PADI3: variants seen among roughly 807,000 people sequenced by gnomAD.
PADI3 encodes the protein peptidyl arginine deiminase 3.
A neutral mutation model predicts 71.5 loss-of-function variants in PADI3; 53 were observed. That is an observed-to-expected ratio of 0.74 (90% confidence interval 0.59 to 0.93). The LOEUF (loss-of-function observed/expected upper bound fraction) is 0.93, where lower values mean the gene tolerates loss of function less well. PADI3 is among the 40% of genes least tolerant of loss of function. The pLI is 0.00. For missense variants in PADI3, 821 were observed against 868.0 expected, an observed-to-expected ratio of 0.95 and a Z score of 0.68; for synonymous variants, 361 against 347.5, an observed-to-expected ratio of 1.04 and a Z score of -0.43.
At chr1:17,265,551 C>T in intron 3 of PADI3, 108 bp from the exon 4 acceptor site, 4 of 956,990 alleles carry the variant, frequency 4.2e-6, no homozygotes, top group Non-Finnish European at 6.7e-6. Context: ...GATGGTGTCT[C>T]CTTAGAAATG....
chr1:17,267,819 C>G lies in PADI3; in HGVS notation c.527-18C>G. On this transcript the variant is annotated intron_variant, in intron 5 of 15. Transcript: ENST00000375460. ...CCAGGACTCCCTTGAGTCACTACCACTCTGTCTGGCTTCACAGACCTGGAA... is the reference window on the plus strand; with the variant it reads ...CCAGGACTCCCTTGAGTCACTACCAGTCTGTCTGGCTTCACAGACCTGGAA... 2 of 1,612,604 alleles carry G rather than the reference C, an allele frequency of 1.2e-6. No individual in the cohort carries two copies. The highest frequency in any genetic ancestry group is 1.7e-6 in the Non-Finnish European group (2 of 1,179,962).
In PADI3 at chr1:17,276,654, CG is replaced by C. The variant is rs1569916611; in HGVS notation, c.1444del (p.Asp482MetfsTer74). 6.2e-7 allele frequency: 1 copy of C among 1,614,028 alleles called. No homozygotes were observed. Among genetic ancestry groups the C allele is most frequent in the African/African-American group, 1.3e-5 (1 of 75,036 alleles). ...DEFLSFVPAPDGKGFRMLLAS... is the reference protein window; with the variant it reads ...DEFLSFVPAPXGKGFRMLLAS... ...AGTTTCTGAGCTTTGTCCCTGCCCCCGATGGGAAGGTAAGAACTTCGTGCAT... is the reference window on the plus strand; with the variant it reads ...AGTTTCTGAGCTTTGTCCCTGCCCCCATGGGAAGGTAAGAACTTCGTGCAT... On this transcript the variant is annotated frameshift_variant, in exon 12 of 16. Coordinates refer to ENST00000375460, the MANE Select transcript of PADI3 (RefSeq NM_016233.2). LOFTEE classifies it high-confidence loss of function.
intron 1 of PADI3, among the ~76,000 whole-genome samples, chr1:17,250,038 G>A (rs1480053277): frequency 1.3e-5 from 2 of 152,228 alleles, no homozygotes; most frequent in Non-Finnish European, 2.9e-5. Context: ...AGGGAGGTAA[G>A]GCCTTATCTT....
intron 10 of PADI3, 128 bp downstream of exon 10, chr1:17,273,575 A>G: frequency 1.8e-6 from 1 of 545,752 alleles, no homozygotes; most frequent in Non-Finnish European, 3.2e-6. Flanking sequence ...TAGGGTTGCC[A>G]GATAAAATGC....
chr1:17,271,002 G>A lies in PADI3; in HGVS notation c.935+20G>A. On this transcript the variant is annotated intron_variant, in intron 8 of 15. Transcript: ENST00000375460. ...GTGCCGGTGAGTCTTGGGGCAGTGGGTGGTCCCTCTGGCCCCCAGGCCCCG... is the reference window on the plus strand; with the variant it reads ...GTGCCGGTGAGTCTTGGGGCAGTGGATGGTCCCTCTGGCCCCCAGGCCCCG... The A allele has an allele frequency of 6.2e-7, 1 of 1,613,410 alleles. No individual in the cohort carries two copies. The highest frequency in any genetic ancestry group is 8.5e-7 in the Non-Finnish European group (1 of 1,179,402).
At chr1:17,253,637 G>C (rs2072993020) in intron 1 of PADI3, among the ~76,000 whole-genome samples, 1 of 152,152 alleles carries the variant, frequency 6.6e-6, no homozygotes, top group Middle Eastern at 3.2e-3. Context: ...TGGGAAACCT[G>C]ATTCAACTCA....
intron 5 of PADI3, among the ~76,000 whole-genome samples, chr1:17,267,120 G>A (rs1299954147): frequency 6.6e-6 from 1 of 152,172 alleles, no homozygotes; most frequent in Non-Finnish European, 1.5e-5. Context: ...CATTATTTGA[G>A]CACCTACTGT....
In PADI3 at chr1:17,273,487, A is replaced by T. The variant is rs1187659818; in HGVS notation, c.1155+40A>T. ...CCGCAGCCCACCCCTGAGAGCTGAG[A>T]GGCCTTACCCCAGGGGCCACACCGG... On this transcript the variant is annotated intron_variant, in intron 10 of 15. Coordinates refer to ENST00000375460, the MANE Select transcript of PADI3 (RefSeq NM_016233.2). 3 of 1,403,520 alleles carry T rather than the reference A, an allele frequency of 2.1e-6. No homozygotes were observed. In the East Asian group the frequency reaches 6.9e-5, roughly 32 times the overall value. The allele number at this position is 1,403,520 out of a possible 1,614,324, so 86.9% of individuals were successfully genotyped here. A position where few individuals can be genotyped will look rare whatever the true frequency, so the allele number is the denominator to read the frequency against.
At chr1:17,265,953 G>T (rs551924916) in intron 4 of PADI3, among the ~76,000 whole-genome samples, 1 of 152,224 alleles carries the variant, frequency 6.6e-6, no homozygotes, top group Admixed American at 6.5e-5. Context: ...GCCTTGGTTT[G>T]TGGGATCAAG....
In PADI3 at chr1:17,270,940, T is replaced by A; in HGVS notation, c.893T>A (p.Met298Lys). ...TVVFRVAPWI[M>K]TPSTLPPLEV... ...GTGTTCCGAGTGGCACCCTGGATCA[T>A]GACGCCCAGCACTCTGCCACCCCTA... Residue 298 changes from methionine to lysine, a missense_variant, in exon 8 of 16, where the codon ATG (methionine) becomes AAG (lysine). Transcript: ENST00000375460. The A allele has an allele frequency of 6.2e-7, 1 of 1,614,170 alleles. No individual in the cohort carries two copies. Among genetic ancestry groups the A allele is most frequent in the Non-Finnish European group, 8.5e-7 (1 of 1,180,014 alleles).
rs1254854555 is a variant in PADI3 at position 17,259,668 on chromosome 1, G to A, written c.183G>A (p.Glu61=). ...YISPNMERGR[E]RADTRRWRFD... ...CTCCCAACATGGAGAGGGGCCGGGA[G>A]CGTGCAGACACCAGGCGGTGGCGCT... The change falls in exon 2 of 16, where the codon GAG becomes GAA. Residue 61 remains glutamate (E), a synonymous_variant. Transcript: ENST00000375460. 1.2e-6 allele frequency: 2 copies of A among 1,613,862 alleles called. No homozygotes were observed. The highest frequency in any genetic ancestry group is 1.3e-5 in the African/African-American group (1 of 74,936).
chr1:17,267,882 C>T lies in PADI3; in HGVS notation c.572C>T (p.Ala191Val), dbSNP rs1204318652. 1.2e-6 allele frequency: 2 copies of T among 1,613,906 alleles called. No homozygotes were observed. Among genetic ancestry groups the T allele is most frequent in the Admixed American group, 3.3e-5 (2 of 60,012 alleles). ...ATGGTCCTGCGGACGCAGGGCCCTGCAGCCCTCTTTGATGACCACAAACTT... is the reference window on the plus strand; with the variant it reads ...ATGGTCCTGCGGACGCAGGGCCCTGTAGCCCTCTTTGATGACCACAAACTT... The part of the protein sequence containing the change: ...SVMVLRTQGP[A>V]ALFDDHKLVL... Residue 191 changes from alanine (A) to valine (V), a missense_variant, in exon 6 of 16, where the codon GCA (alanine) becomes GTA (valine). Physicochemically the swap from Ala to Val is moderately conservative, Grantham distance 64 (BLOSUM62 0). Transcript: ENST00000375460.
In PADI3 at chr1:17,257,283, G is replaced by A. The variant is rs189137588; in HGVS notation, c.93-2295G>A. Among the ~76,000 whole-genome samples the A allele has an allele frequency of 2.1e-3, 317 of 152,284 alleles. 5 individuals are homozygous for A. In the East Asian group the frequency reaches 0.05, roughly 24 times the overall value. ...TCCCTGGTTCTGCCATTTCCCCTGT[G>A]GGGGGCTGCCCAGGGCCAAACAGGC... On this transcript the variant is annotated intron_variant, in intron 1 of 15. Transcript: ENST00000375460.
At chr1:17,269,536 T>C (rs2073217486) in intron 6 of PADI3, among the ~76,000 whole-genome samples, 1 of 152,218 alleles carries the variant, frequency 6.6e-6, no homozygotes, top group African/African-American at 2.4e-5. Flanking sequence ...GATGAATTAA[T>C]GAATATCGAG....
At chr1:17,271,854 A>AAAAG in intron 9 of PADI3, among the ~76,000 whole-genome samples, 1 of 132,324 alleles carries the variant, frequency 7.6e-6, no homozygotes, top group African/African-American at 2.9e-5. Flanking sequence ...AAAAAAAAAA[A>AAAAG]AGAGAGAGAG....
intron 6 of PADI3, among the ~76,000 whole-genome samples, chr1:17,268,226 C>G (rs1195379313): frequency 6.6e-6 from 1 of 152,162 alleles, no homozygotes; most frequent in Non-Finnish European, 1.5e-5. Context: ...TGTAGAAATT[C>G]TTATCAAAAA....
chr1:17,249,259 G>T, intron 1 of PADI3, 30 bp downstream of exon 1: 1 of 1,556,456 alleles, frequency 6.4e-7, no homozygotes, highest in South Asian at 1.1e-5. Context: ...TGGTTTGCAG[G>T]CCCTTGGTGC....
At chr1:17,277,151 G>A (rs936391537) in intron 13 of PADI3, among the ~76,000 whole-genome samples, 21 of 152,222 alleles carry the variant, frequency 1.4e-4, no homozygotes, top group Middle Eastern at 3.4e-3. Flanking sequence ...CAGTCACGGC[G>A]TGGAGCTTTA....
At chr1:17,254,624 GT>G (rs1452967991) in intron 1 of PADI3, among the ~76,000 whole-genome samples, 1 of 151,900 alleles carries the variant, frequency 6.6e-6, no homozygotes, top group African/African-American at 2.4e-5. Flanking sequence ...CCAATGCCCC[GT>G]CTTCCTCCTC....
Sources: allele counts gnomAD v4.1 joint callset (sites outside exome capture counted in the v4.1 genomes callset), GRCh38; gene constraint gnomAD v4.1.1; transcripts MANE v1.5; gene names NCBI Gene and HGNC (gene_info 2026-07-23, HGNC 2026-07-21).